Variants in SETBP1 observed in about 807,000 individuals in gnomAD.
The protein encoded by SETBP1 is SET binding protein 1, also known as SET-binding protein.
In SETBP1, 9 loss-of-function variants were observed where a neutral mutation model predicts 101.0. That is an observed-to-expected ratio of 0.09 (90% CI 0.05 to 0.16). The LOEUF is 0.16. SETBP1 is among the 10% of genes least tolerant of loss of function. SETBP1 has a pLI of 1.00. For synonymous variants in SETBP1, 818 were observed against 788.5 expected, an observed-to-expected ratio of 1.04 and a Z score of -0.63; for missense variants, 1,858 against 2,033.8, an observed-to-expected ratio of 0.91 and a Z score of 1.66.
At chr18:44,975,167 G>A (rs1294135928) in intron 4 of SETBP1, among the ~76,000 whole-genome samples, 5 of 152,208 alleles carry the variant, frequency 3.3e-5, no homozygotes, top group African/African-American at 1.2e-4. Flanking sequence ...CTGGCCTTAA[G>A]AGTCTTTCTG....
intron 5 of SETBP1, among the ~76,000 whole-genome samples, chr18:45,043,030 A>G (rs2073540171): frequency 6.6e-6 from 1 of 152,212 alleles, no homozygotes; most frequent in Non-Finnish European, 1.5e-5. Context: ...GTGAGGCATA[A>G]TTTGAAACAA....
chr18:45,049,333 T>C (rs1481349719), intron 5 of SETBP1, among the ~76,000 whole-genome samples: 1 of 151,960 alleles, frequency 6.6e-6, no homozygotes, highest in African/African-American at 2.4e-5. Context: ...GATCAGAAGA[T>C]GGAGTACCCA....
At chr18:45,005,385 T>C (rs2072702195) in intron 4 of SETBP1, among the ~76,000 whole-genome samples, 1 of 152,150 alleles carries the variant, frequency 6.6e-6, no homozygotes, top group African/African-American at 2.4e-5. Context: ...ATGATGCCTG[T>C]AATAGGGTCA....
intron 3 of SETBP1, among the ~76,000 whole-genome samples, chr18:44,891,700 T>A (rs1225651219): frequency 6.6e-6 from 1 of 152,130 alleles, no homozygotes; most frequent in Non-Finnish European, 1.5e-5. Context: ...ACCTTTCAGA[T>A]TTCCTGGGTT....
chr18:44,705,289 T>G (rs926057474), intron 2 of SETBP1, among the ~76,000 whole-genome samples: 2 of 152,328 alleles, frequency 1.3e-5, no homozygotes, highest in Middle Eastern at 3.4e-3. Context: ...CATTTGTTTA[T>G]GTTTTGACTC....
At chr18:44,726,650 C>T (rs2069712749) in intron 2 of SETBP1, among the ~76,000 whole-genome samples, 1 of 152,208 alleles carries the variant, frequency 6.6e-6, no homozygotes, top group Non-Finnish European at 1.5e-5. Flanking sequence ...AATAATATTA[C>T]TTTCAAATTT....
Position 44,944,335 on chromosome 18 carries a change from C to G in SETBP1, c.541-5546C>G, listed in dbSNP as rs147191990. Among the ~76,000 whole-genome samples, 872 of 152,226 alleles carry G rather than the reference C, an allele frequency of 5.7e-3. 5 individuals carry two copies. The highest frequency in any genetic ancestry group is 0.02 in the African/African-American group (814 of 41,520). Reference sequence around the variant, plus strand: ...GTGGTTGGTTCTGCATGTTTATCACCAAAAATTGCTGTGAATGTTATAGCA... The same window carrying G: ...GTGGTTGGTTCTGCATGTTTATCACGAAAAATTGCTGTGAATGTTATAGCA... On this transcript the variant is annotated intron_variant, in intron 3 of 5. Coordinates refer to ENST00000649279, the MANE Select transcript of SETBP1 (RefSeq NM_015559.3).
In SETBP1 at chr18:44,953,258, T is replaced by A; in HGVS notation, c.3918T>A (p.Phe1306Leu). ...GTAAAAGGAGGAGCTATGAAGGCTTTGGAACGTACAGGGAAAAGGACATCC... is the reference window on the plus strand; with the variant it reads ...GTAAAAGGAGGAGCTATGAAGGCTTAGGAACGTACAGGGAAAAGGACATCC... ...SGSKRRSYEG[F>L]GTYREKDIQA... The change falls in exon 4 of 6, where the codon TTT becomes TTA. Residue 1306 changes from phenylalanine (F) to leucine (L), a missense_variant. Phe to Leu is a conservative substitution (Grantham distance 22). Coordinates refer to ENST00000649279, the MANE Select transcript of SETBP1 (RefSeq NM_015559.3). The A allele has an allele frequency of 6.2e-7, 1 of 1,614,070 alleles. No homozygotes were observed. The highest frequency in any genetic ancestry group is 8.5e-7 in the Non-Finnish European group (1 of 1,180,020).
At chr18:44,695,870 T>C (rs2069007801) in intron 1 of SETBP1, among the ~76,000 whole-genome samples, 1 of 152,130 alleles carries the variant, frequency 6.6e-6, no homozygotes, top group African/African-American at 2.4e-5. Context: ...TTTTTTTTTT[T>C]TTTCTGTTCA....
rs751640749 is a variant in SETBP1, at chr18:45,038,453, T to A, written c.4001-32T>A. 7.5e-6 allele frequency: 12 copies of A among 1,609,854 alleles called. No individual in the cohort carries two copies. In the Admixed American group the frequency reaches 1.8e-4, roughly 25 times the overall value. On this transcript the variant is annotated intron_variant, in intron 4 of 5. Transcript: ENST00000649279. ...TGTCTATCTTCCTGTTCCCTTAAAG[T>A]GACTGAAAGCTTTGGGGTTGTTATT...
chr18:44,961,876 C>G (rs539575685), intron 4 of SETBP1, among the ~76,000 whole-genome samples: 1 of 152,070 alleles, frequency 6.6e-6, no homozygotes, highest in Non-Finnish European at 1.5e-5. Context: ...ATCACAAGTT[C>G]GAATAAATGG....
intron 4 of SETBP1, among the ~76,000 whole-genome samples, chr18:45,028,225 T>C (rs8093126): frequency 0.34 from 49,844 of 146,082 alleles, 9,230 homozygotes; most frequent in Middle Eastern, 0.44. Flanking sequence ...GTGTTCTCAT[T>C]GTTCAGTTCC....
chr18:44,993,832 G>A (rs145493396), intron 4 of SETBP1, among the ~76,000 whole-genome samples: 71 of 152,064 alleles, frequency 4.7e-4, no homozygotes, highest in African/African-American at 1.4e-3. Flanking sequence ...AAGAAAAGGC[G>A]GAGGACTTAC....
chr18:44,684,973 T>C (rs776716589), intron 1 of SETBP1, among the ~76,000 whole-genome samples: 25 of 152,178 alleles, frequency 1.6e-4, no homozygotes, highest in Non-Finnish European at 3.5e-4. Flanking sequence ...TTAATGGCCG[T>C]TAGCTTAGAA....
At chr18:44,753,581 C>T (rs1177303126) in intron 2 of SETBP1, among the ~76,000 whole-genome samples, 1 of 152,210 alleles carries the variant, frequency 6.6e-6, no homozygotes, top group Non-Finnish European at 1.5e-5. Context: ...ATTCATTTCT[C>T]AAGTTCTGGG....
chr18:45,034,907 C>T (rs1308296827), intron 4 of SETBP1, among the ~76,000 whole-genome samples: 1 of 152,162 alleles, frequency 6.6e-6, no homozygotes, highest in African/African-American at 2.4e-5. Flanking sequence ...AAGGTTAAAT[C>T]TGGGTTTCTT....
intron 2 of SETBP1, among the ~76,000 whole-genome samples, chr18:44,721,069 C>T (rs972023046): frequency 1.6e-4 from 25 of 152,242 alleles, no homozygotes; most frequent in South Asian, 4.2e-4. Flanking sequence ...TGAGTTCTGT[C>T]ATCACATACA....
intron 2 of SETBP1, among the ~76,000 whole-genome samples, chr18:44,752,134 T>G (rs1189290524): frequency 6.6e-6 from 1 of 151,908 alleles, no homozygotes; most frequent in Admixed American, 6.6e-5. Flanking sequence ...GGGAAAAAAA[T>G]AAAAAATATG....
At chr18:44,880,528 C>T (rs780081706) in intron 3 of SETBP1, among the ~76,000 whole-genome samples, 12 of 152,054 alleles carry the variant, frequency 7.9e-5, no homozygotes, top group Non-Finnish European at 1.2e-4. Context: ...AAGAAATATC[C>T]GAGACTGAGT....
Sources: allele counts gnomAD v4.1 joint callset (sites outside exome capture counted in the v4.1 genomes callset), GRCh38; gene constraint gnomAD v4.1.1; transcripts MANE v1.5; gene names NCBI Gene and HGNC (gene_info 2026-07-23, HGNC 2026-07-21).